MRM1: variants seen among roughly 807,000 people sequenced by gnomAD.
MRM1 encodes the protein mitochondrial rRNA methyltransferase 1.
Under a neutral mutation model 25.0 loss-of-function variants are expected in MRM1, and 24 were observed. The observed-to-expected ratio is 0.96, with a 90% CI of 0.69 to 1.35. The LOEUF (loss-of-function observed/expected upper bound fraction) is 1.35. MRM1 is among the 40% of genes most tolerant of loss of function. MRM1 has a pLI of 0.00. For missense variants in MRM1, 431 were observed against 464.1 expected (o/e 0.93, Z 0.65); for synonymous variants, 188 against 199.2 (o/e 0.94, Z 0.47).
At chr17:36,629,563 C>T in the MRM1 span, among the ~76,000 whole-genome samples, 8 of 152,194 alleles carry the variant, frequency 5.3e-5, no homozygotes, top group Admixed American at 2.6e-4. Context: ...CCTGACACCC[C>T]GACCTAGGGT....
chr17:36,610,706 T>C (rs2074971826), downstream of MRM1, among the ~76,000 whole-genome samples: 1 of 152,242 alleles, frequency 6.6e-6, no homozygotes, highest in Admixed American at 6.5e-5. Flanking sequence ...ATGTTTCACT[T>C]TGGCTTGTCA....
the MRM1 span, among the ~76,000 whole-genome samples, chr17:36,621,976 G>A: frequency 6.6e-6 from 1 of 152,088 alleles, no homozygotes; most frequent in Non-Finnish European, 1.5e-5. Context: ...TTCCATTTCT[G>A]CATCTGTGCA....
the MRM1 span, among the ~76,000 whole-genome samples, chr17:36,617,106 T>G: frequency 6.6e-6 from 1 of 152,160 alleles, no homozygotes; most frequent in African/African-American, 2.4e-5. Context: ...TCCCACTGGC[T>G]TTAGGTGGTG....
downstream of MRM1, among the ~76,000 whole-genome samples, chr17:36,613,839 G>A (rs990217467): frequency 6.8e-6 from 1 of 146,582 alleles, no homozygotes; most frequent in East Asian, 2.0e-4. Context: ...TCAGAAGTCC[G>A]GTACCAAAAG....
chr17:36,606,030 C>G (rs1599580471), intron 2 of MRM1, among the ~76,000 whole-genome samples: 1 of 152,196 alleles, frequency 6.6e-6, no homozygotes, highest in Non-Finnish European at 1.5e-5. Context: ...GAGACCATAC[C>G]TCATGTGGCT....
the MRM1 span, among the ~76,000 whole-genome samples, chr17:36,630,894 C>T: frequency 2.6e-5 from 4 of 152,136 alleles, no homozygotes; most frequent in African/African-American, 9.7e-5. Flanking sequence ...GGTGCTGGGA[C>T]TCGGGGGCCC....
At chr17:36,628,302 G>A in the MRM1 span, among the ~76,000 whole-genome samples, 2 of 152,194 alleles carry the variant, frequency 1.3e-5, no homozygotes, top group African/African-American at 4.8e-5. Context: ...TGTATGTTTT[G>A]GCAGGGCTAG....
At chr17:36,611,386 C>T (rs547027407), downstream of MRM1, among the ~76,000 whole-genome samples, 34 of 152,292 alleles carry the variant, frequency 2.2e-4, 2 homozygotes, top group South Asian at 6.6e-3. Context: ...GCCCTATCTA[C>T]CCCCTTCCTT....
the MRM1 span, among the ~76,000 whole-genome samples, chr17:36,627,751 A>G: frequency 0.23 from 33,272 of 144,372 alleles, 4,710 homozygotes; most frequent in African/African-American, 0.41. Context: ...CTTGGCTCAC[A>G]CAACCTGCGC....
Position 36,608,467 on chromosome 17 carries a change from C to T in MRM1, c.*52C>T. 7.3e-7 allele frequency: 1 copy of T among 1,365,562 alleles called. No homozygotes were observed. The highest frequency in any genetic ancestry group is 9.7e-7 in the Non-Finnish European group (1 of 1,033,916). 84.6% of individuals were successfully genotyped at this position (1,365,562 alleles called of 1,614,324 possible). ...CTGGAGTCAGGGACGGCCGCACCTG[C>T]CTCCGCCGGCTCCAGTGTGCGGGGA... On this transcript the variant is annotated 3_prime_UTR_variant, in exon 5 of 5. Coordinates refer to ENST00000614766, the MANE Select transcript of MRM1 (RefSeq NM_024864.5).
the MRM1 span, among the ~76,000 whole-genome samples, chr17:36,618,694 C>T: frequency 3.3e-5 from 5 of 152,180 alleles, no homozygotes; most frequent in Admixed American, 6.5e-5. Context: ...CTCCAACCTG[C>T]GCAGCCTCCG....
chr17:36,632,491 C>T, the MRM1 span, among the ~76,000 whole-genome samples: 32 of 152,132 alleles, frequency 2.1e-4, no homozygotes, highest in African/African-American at 6.8e-4. Context: ...AGGACCTAGC[C>T]TGTGGGGTGG....
chr17:36,610,587 C>A (rs1356444705), downstream of MRM1, among the ~76,000 whole-genome samples: 1 of 152,138 alleles, frequency 6.6e-6, no homozygotes, highest in African/African-American at 2.4e-5. Flanking sequence ...AGAATTCCTT[C>A]ATAAACTGCA....
the MRM1 span, among the ~76,000 whole-genome samples, chr17:36,628,734 A>G: frequency 1.8e-4 from 27 of 152,178 alleles, no homozygotes; most frequent in Non-Finnish European, 7.4e-5. Flanking sequence ...GAGTGCTTCA[A>G]ACTTGTTATT....
At chr17:36,627,674 GTTTTTT>G in the MRM1 span, among the ~76,000 whole-genome samples, 5 of 83,728 alleles carry the variant, frequency 6.0e-5, no homozygotes, top group African/African-American at 1.5e-4. Flanking sequence ...TTTGGACACT[GTTTTTT>G]TTTTTTTTTT....
At chr17:36,621,343 G>A in the MRM1 span, among the ~76,000 whole-genome samples, 1 of 152,062 alleles carries the variant, frequency 6.6e-6, no homozygotes, top group Non-Finnish European at 1.5e-5. Flanking sequence ...ACCCAACAGG[G>A]CCACAGTATA....
chr17:36,611,923 G>A (rs546876613), downstream of MRM1, among the ~76,000 whole-genome samples: 13 of 151,152 alleles, frequency 8.6e-5, no homozygotes, highest in East Asian at 7.8e-4. Flanking sequence ...CATTGCATGA[G>A]CCAATGCCTT....
intron 2 of MRM1, among the ~76,000 whole-genome samples, chr17:36,605,297 A>G (rs944422331): frequency 4.6e-5 from 7 of 151,934 alleles, no homozygotes; most frequent in African/African-American, 1.7e-4. Flanking sequence ...TTGGAGATAC[A>G]GGTGCACACC....
the MRM1 span, among the ~76,000 whole-genome samples, chr17:36,625,779 A>T: frequency 6.6e-6 from 1 of 151,954 alleles, no homozygotes; most frequent in Non-Finnish European, 1.5e-5. Flanking sequence ...GGCTTCTTGA[A>T]GTCCCTTTGC....
Sources: gnomAD v4.1 joint callset for allele counts (sites outside exome capture counted in the v4.1 genomes callset) on GRCh38, gnomAD v4.1.1 for gene constraint, MANE v1.5 for transcripts, NCBI Gene and HGNC (gene_info 2026-07-23, HGNC 2026-07-21) for gene names.